Variants in CDH4 observed in about 807,000 individuals in gnomAD.
CDH4 encodes cadherin 4, also known as cadherin-4.
CDH4 carries 33 observed loss-of-function variants against 86.0 expected under a neutral mutation model. That is an observed-to-expected ratio of 0.38 (90% CI 0.29 to 0.51). The LOEUF (loss-of-function observed/expected upper bound fraction) is 0.51. CDH4 is among the 20% of genes least tolerant of loss of function. The pLI is 0.86. For missense variants in CDH4, 1,114 were observed against 1,307.4 expected, an observed-to-expected ratio of 0.85 and a Z score of 2.28; for synonymous variants, 555 against 549.4, an observed-to-expected ratio of 1.01 and a Z score of -0.14.
intron 3 of CDH4, among the ~76,000 whole-genome samples, chr20:61,758,970 C>T (rs571103119): frequency 1.3e-4 from 19 of 151,688 alleles, no homozygotes; most frequent in African/African-American, 2.2e-4. Flanking sequence ...CACATGTGCG[C>T]ATGGGTGTGC....
intron 4 of CDH4, among the ~76,000 whole-genome samples, chr20:61,803,290 C>G (rs551450835): frequency 6.6e-6 from 1 of 152,184 alleles, no homozygotes; most frequent in Admixed American, 6.5e-5. Context: ...TTAGAGAAGC[C>G]AGGCAGAGAA....
chr20:61,684,788 G>A lies in CDH4; in HGVS notation c.170-58775G>A, dbSNP rs1290851416. On this transcript the variant is annotated intron_variant, in intron 2 of 15. Coordinates refer to ENST00000614565, the MANE Select transcript of CDH4 (RefSeq NM_001794.5). This position sits in a 1 kb window ranked among gnomAD's most constrained non-coding sequence, Gnocchi z 4.5. ...CTCAATCTGCAGCCCACAGCCGCCTGCCGTGACCACCCCTCGATGTGGGTG... is the reference window on the plus strand; with the variant it reads ...CTCAATCTGCAGCCCACAGCCGCCTACCGTGACCACCCCTCGATGTGGGTG... 6.6e-6 allele frequency among the ~76,000 whole-genome samples: 1 copy of A among 152,142 alleles called. No homozygotes were observed. Among genetic ancestry groups the A allele is most frequent in the Admixed American group, 6.5e-5 (1 of 15,276 alleles).
At chr20:61,253,971 G>C (rs912811988) in intron 1 of CDH4, among the ~76,000 whole-genome samples, 1 of 152,198 alleles carries the variant, frequency 6.6e-6, no homozygotes, top group African/African-American at 2.4e-5. Context: ...TGCACACACT[G>C]CCTCTCCCTC....
chr20:61,844,155 T>G (rs1172288053), intron 4 of CDH4, among the ~76,000 whole-genome samples: 1 of 152,242 alleles, frequency 6.6e-6, no homozygotes, highest in African/African-American at 2.4e-5. Context: ...CGTGTCTGCC[T>G]GTGTCTTTCC....
chr20:61,887,751 C>G (rs571162583), intron 7 of CDH4, among the ~76,000 whole-genome samples: 1 of 152,352 alleles, frequency 6.6e-6, no homozygotes, highest in African/African-American at 2.4e-5. Context: ...TTCTTCTCCG[C>G]TTGGATCCCT....
chr20:61,548,482 C>A (rs559839710), intron 2 of CDH4, among the ~76,000 whole-genome samples: 21 of 152,084 alleles, frequency 1.4e-4, no homozygotes, highest in Admixed American at 6.6e-4. Context: ...CCCGCCCCCC[C>A]ATTACAGCCC....
chr20:61,781,904 G>A (rs2060620332), intron 4 of CDH4, among the ~76,000 whole-genome samples: 1 of 152,198 alleles, frequency 6.6e-6, no homozygotes, highest in Non-Finnish European at 1.5e-5. Context: ...TCAGAATGGG[G>A]TCTTCTCCTC....
chr20:61,274,662 T>G (rs2084215800), intron 2 of CDH4, among the ~76,000 whole-genome samples: 1 of 137,808 alleles, frequency 7.3e-6, no homozygotes, highest in Admixed American at 7.4e-5. Flanking sequence ...CCGTGTGCGG[T>G]TTGGGGGAAT....
At chr20:61,735,801 G>C (rs2145931769) in intron 2 of CDH4, among the ~76,000 whole-genome samples, 1 of 152,214 alleles carries the variant, frequency 6.6e-6, no homozygotes, top group South Asian at 2.1e-4. Flanking sequence ...GAATTTCTCT[G>C]TCCCCAGCAG....
At chr20:61,702,014 T>C (rs73915351) in intron 2 of CDH4, among the ~76,000 whole-genome samples, 1,734 of 152,254 alleles carry the variant, frequency 0.011, 36 homozygotes, top group African/African-American at 0.038. Context: ...AGCCTAGACC[T>C]CACGGAGGTC....
chr20:61,806,654 T>C (rs1980153770), intron 4 of CDH4, among the ~76,000 whole-genome samples: 1 of 152,206 alleles, frequency 6.6e-6, no homozygotes, highest in Non-Finnish European at 1.5e-5. Context: ...GCTCAGGGGC[T>C]GCTGGAGGAG....
intron 2 of CDH4, among the ~76,000 whole-genome samples, chr20:61,530,635 G>C (rs894024793): frequency 1.3e-5 from 2 of 152,150 alleles, no homozygotes; most frequent in Admixed American, 6.5e-5. Context: ...GGAAAATAGA[G>C]AGGCAATCAG....
chr20:61,672,134 T>A (rs942637037), intron 2 of CDH4, among the ~76,000 whole-genome samples: 2 of 151,340 alleles, frequency 1.3e-5, no homozygotes, highest in Non-Finnish European at 2.9e-5. Flanking sequence ...AAAGGATGGA[T>A]GAATGATCAT....
At chr20:61,550,224 C>G (rs558356139) in intron 2 of CDH4, among the ~76,000 whole-genome samples, 31 of 147,942 alleles carry the variant, frequency 2.1e-4, no homozygotes, top group African/African-American at 7.2e-4. Context: ...CCCTGGCCTC[C>G]CTGCCCCAAC....
At chr20:61,535,923 T>G (rs771497479) in intron 2 of CDH4, among the ~76,000 whole-genome samples, 1 of 152,226 alleles carries the variant, frequency 6.6e-6, no homozygotes, top group Non-Finnish European at 1.5e-5. Context: ...GCAAGCAATG[T>G]TGTGCCTAGC....
intron 2 of CDH4, among the ~76,000 whole-genome samples, chr20:61,297,757 G>A (rs1014089857): frequency 2.6e-5 from 4 of 152,274 alleles, no homozygotes; most frequent in African/African-American, 7.2e-5. Flanking sequence ...AGACATTAGC[G>A]CGTGTCAGCC....
intron 2 of CDH4, among the ~76,000 whole-genome samples, chr20:61,652,320 T>C (rs772606850): frequency 6.0e-5 from 9 of 149,228 alleles, no homozygotes; most frequent in Admixed American, 6.7e-5. Context: ...GTTTCGCTTA[T>C]TGCAGTGGGA....
chr20:61,438,909 T>C (rs1391583087), intron 2 of CDH4, among the ~76,000 whole-genome samples: 2 of 146,194 alleles, frequency 1.4e-5, no homozygotes, highest in Non-Finnish European at 3.0e-5. Context: ...ATAGTAAAAA[T>C]TAGCTAAAAA....
chr20:61,880,431 G>A (rs1357250451), intron 7 of CDH4, among the ~76,000 whole-genome samples: 1 of 152,144 alleles, frequency 6.6e-6, no homozygotes, highest in East Asian at 1.9e-4. Flanking sequence ...GACCCACCTC[G>A]GGCCGGATTT....
Sources: allele counts gnomAD v4.1 joint callset (sites outside exome capture counted in the v4.1 genomes callset), GRCh38; gene constraint gnomAD v4.1.1; non-coding constraint Gnocchi (gnomAD v3.1); transcripts MANE v1.5; gene names NCBI Gene and HGNC (gene_info 2026-07-23, HGNC 2026-07-21).